CACNA2D1: variants seen among roughly 807,000 people sequenced by gnomAD.
The protein encoded by CACNA2D1 is calcium voltage-gated channel auxiliary subunit alpha2delta 1.
In CACNA2D1, 53 loss-of-function variants were observed where a neutral mutation model predicts 171.5. The observed-to-expected ratio is 0.31, with a 90% CI of 0.25 to 0.39. The LOEUF (loss-of-function observed/expected upper bound fraction) is 0.39. Ranked by LOEUF, CACNA2D1 falls within the 10% of genes least tolerant of loss-of-function variation. The probability of loss-of-function intolerance (pLI) is 1.00; values close to 1 mark genes in which losing one functional copy is unlikely to be tolerated. For missense variants in CACNA2D1, 903 were observed against 1,299.8 expected, an observed-to-expected ratio of 0.69 and a Z score of 4.69; for synonymous variants, 442 against 443.1, an observed-to-expected ratio of 1.00 and a Z score of 0.03.
chr7:82,037,251 G>C (rs1483036853), intron 11 of CACNA2D1, among the ~76,000 whole-genome samples: 2 of 152,184 alleles, frequency 1.3e-5, no homozygotes, highest in Admixed American at 1.3e-4. Flanking sequence ...GGCCAAGGCG[G>C]GTGGATCACC....
intron 2 of CACNA2D1, among the ~76,000 whole-genome samples, chr7:82,336,237 T>G (rs1817979920): frequency 6.6e-6 from 1 of 152,196 alleles, no homozygotes; most frequent in Non-Finnish European, 1.5e-5. Context: ...CATTCTGCTT[T>G]ACTACCAACA....
At chr7:82,094,095 TTG>T (rs1811566626) in intron 6 of CACNA2D1, among the ~76,000 whole-genome samples, 1 of 152,174 alleles carries the variant, frequency 6.6e-6, no homozygotes, top group African/African-American at 2.4e-5. Context: ...ACTCAAGGGT[TTG>T]TGTCAACCAG....
intron 6 of CACNA2D1, among the ~76,000 whole-genome samples, chr7:82,099,914 A>G (rs923881800): frequency 1.3e-5 from 2 of 152,140 alleles, no homozygotes; most frequent in African/African-American, 2.4e-5. Context: ...GGAGGGGAAC[A>G]ACACACACTG....
At chr7:82,332,801 G>A (rs1303242862) in intron 3 of CACNA2D1, among the ~76,000 whole-genome samples, 6 of 152,080 alleles carry the variant, frequency 3.9e-5, no homozygotes, top group South Asian at 2.1e-4. Flanking sequence ...GTAGTTAAAG[G>A]CTTGCCTGGG....
At chr7:82,287,997 A>ATTTTT (rs5885283) in intron 3 of CACNA2D1, among the ~76,000 whole-genome samples, 6,252 of 138,692 alleles carry the variant, frequency 0.045, 500 homozygotes, top group African/African-American at 0.16. Flanking sequence ...TGCCCGGCTA[A>ATTTTT]TTTTTTTTTT....
At chr7:82,140,771 C>T (rs374644128) in intron 4 of CACNA2D1, among the ~76,000 whole-genome samples, 13 of 151,678 alleles carry the variant, frequency 8.6e-5, no homozygotes, top group African/African-American at 2.7e-4. Context: ...CTGGCCAACA[C>T]GGTGAAATCC....
chr7:82,211,654 G>A (rs1469231579), intron 3 of CACNA2D1, among the ~76,000 whole-genome samples: 2 of 152,120 alleles, frequency 1.3e-5, no homozygotes, highest in Non-Finnish European at 2.9e-5. Context: ...ATTGTGAATA[G>A]CACCACAATA....
At chr7:82,346,951 A>G (rs1819329134) in intron 2 of CACNA2D1, among the ~76,000 whole-genome samples, 1 of 152,208 alleles carries the variant, frequency 6.6e-6, no homozygotes, top group South Asian at 2.1e-4. Context: ...GTAACTTAGA[A>G]CAAAATTTTA....
intron 4 of CACNA2D1, among the ~76,000 whole-genome samples, chr7:82,151,081 G>T (rs1793809333): frequency 6.6e-6 from 1 of 152,052 alleles, no homozygotes; most frequent in African/African-American, 2.4e-5. Flanking sequence ...ATTTCTGAAA[G>T]CAACAATCCA....
At chr7:82,251,933 G>A (rs1563261238) in intron 3 of CACNA2D1, among the ~76,000 whole-genome samples, 2 of 152,088 alleles carry the variant, frequency 1.3e-5, no homozygotes, top group Non-Finnish European at 2.9e-5. Context: ...GGACATGCAA[G>A]ATAAAAAGCC....
chr7:82,391,555 G>A (rs916789486), intron 1 of CACNA2D1, among the ~76,000 whole-genome samples: 1 of 152,146 alleles, frequency 6.6e-6, no homozygotes, highest in Non-Finnish European at 1.5e-5. Context: ...TGTTACACTG[G>A]TTTTATTAAT....
intron 1 of CACNA2D1, among the ~76,000 whole-genome samples, chr7:82,376,574 G>T (rs892011192): frequency 6.6e-6 from 1 of 152,140 alleles, no homozygotes; most frequent in Non-Finnish European, 1.5e-5. Context: ...CATCTGAAAG[G>T]AACAGTTGCA....
At chr7:82,367,167 C>A (rs1037652092) in intron 1 of CACNA2D1, among the ~76,000 whole-genome samples, 2 of 151,972 alleles carry the variant, frequency 1.3e-5, no homozygotes, top group Non-Finnish European at 2.9e-5. Context: ...ACCTCAGCCT[C>A]CCAAAGGGGT....
At chr7:81,975,059 TACAA>T (rs1795697175) in intron 24 of CACNA2D1, among the ~76,000 whole-genome samples, 1 of 152,058 alleles carries the variant, frequency 6.6e-6, no homozygotes, top group South Asian at 2.1e-4. Flanking sequence ...TACACACATA[TACAA>T]ACACAACTGA....
rs186044920 is a variant in CACNA2D1 at position 82,440,770 on chromosome 7, T to C, written c.95+2595A>G. ...ATACTTAACTGACACATCATTTGTTTTACCATAATAGAATTTAAGCCCTTC... is the reference window on the plus strand; with the variant it reads ...ATACTTAACTGACACATCATTTGTTCTACCATAATAGAATTTAAGCCCTTC... On this transcript the variant is annotated intron_variant, in intron 1 of 38. Coordinates refer to ENST00000356860, the MANE Select transcript of CACNA2D1 (RefSeq NM_000722.4). 1.8e-3 allele frequency among the ~76,000 whole-genome samples: 281 copies of C among 151,994 alleles called. 3 individuals are homozygous for C. Among genetic ancestry groups the C allele is most frequent in the African/African-American group, 6.4e-3 (264 of 41,568 alleles).
At chr7:82,277,820 A>C (rs921290387) in intron 3 of CACNA2D1, among the ~76,000 whole-genome samples, 1 of 140,702 alleles carries the variant, frequency 7.1e-6, no homozygotes, top group Non-Finnish European at 1.5e-5. Context: ...ATCTCGGCTC[A>C]CAGCAACCTC....
chr7:82,440,936 A>T (rs1030419957), intron 1 of CACNA2D1, among the ~76,000 whole-genome samples: 1 of 151,576 alleles, frequency 6.6e-6, no homozygotes, highest in Non-Finnish European at 1.5e-5. Flanking sequence ...AAAACTTCTT[A>T]CATTACTTTT....
At chr7:82,412,444 T>C (rs920649620) in intron 1 of CACNA2D1, among the ~76,000 whole-genome samples, 2 of 151,856 alleles carry the variant, frequency 1.3e-5, no homozygotes, top group African/African-American at 2.4e-5. Flanking sequence ...CACTAGCCCA[T>C]CTAATTTTTT....
chr7:82,220,008 A>G (rs1801573631), intron 3 of CACNA2D1, among the ~76,000 whole-genome samples: 1 of 152,024 alleles, frequency 6.6e-6, no homozygotes, highest in Non-Finnish European at 1.5e-5. Context: ...GTTTTTTTCC[A>G]TTAAAAATAG....
Sources: gnomAD v4.1 joint callset for allele counts (sites outside exome capture counted in the v4.1 genomes callset) on GRCh38, gnomAD v4.1.1 for gene constraint, MANE v1.5 for transcripts, NCBI Gene and HGNC (gene_info 2026-07-23, HGNC 2026-07-21) for gene names.